The following SPACA7 variants were observed in gnomAD, a reference collection of about 807,000 sequenced individuals.
SPACA7 encodes the protein sperm acrosome associated 7.
SPACA7 carries 19 observed loss-of-function variants against 26.3 expected under a neutral mutation model. The ratio of observed to expected loss-of-function variants is 0.72; its 90% confidence interval spans 0.50 to 1.06. The LOEUF is 1.06. SPACA7 is among the 50% of genes least tolerant of loss of function. SPACA7 has a pLI of 0.00. For missense variants in SPACA7, 211 were observed against 229.9 expected, an observed-to-expected ratio of 0.92 and a Z score of 0.53; for synonymous variants, 84 against 84.5, an observed-to-expected ratio of 0.99 and a Z score of 0.04.
chr13:112,424,236 C>G (rs1876297140), intron 5 of SPACA7, among the ~76,000 whole-genome samples: 1 of 152,238 alleles, frequency 6.6e-6, no homozygotes, highest in Non-Finnish European at 1.5e-5. Context: ...TCCAAAGAAC[C>G]TAGGTGCATC....
intron 1 of SPACA7, among the ~76,000 whole-genome samples, chr13:112,387,407 A>G (rs1467742795): frequency 6.6e-6 from 1 of 152,232 alleles, no homozygotes; most frequent in African/African-American, 2.4e-5. Context: ...GTGAGTCCTA[A>G]ACCCACATTC....
intron 5 of SPACA7, among the ~76,000 whole-genome samples, chr13:112,425,127 AC>A: frequency 6.6e-6 from 1 of 152,168 alleles, no homozygotes; most frequent in East Asian, 1.9e-4. Context: ...CTCAGATGCA[AC>A]CTGACAGGAC....
rs780089926 is a variant in SPACA7, at chr13:112,392,978, TC to T, written c.95-42del. On this transcript the variant is annotated intron_variant, in intron 1 of 6. Coordinates refer to ENST00000283550, the MANE Select transcript of SPACA7 (RefSeq NM_145248.5). ...CATTTAAAGAGAAAAATATGCAAAT[TC>T]AATGAACATTGTTAAACTGTAGGGT... 5.8e-6 allele frequency: 9 copies of T among 1,561,242 alleles called. No homozygotes were observed. The Admixed American group carries it at 1.5e-4, about 26-fold the overall frequency.
At chr13:112,398,946 G>A in intron 3 of SPACA7, 120 bp from the exon 4 acceptor site, 1 of 674,798 alleles carries the variant, frequency 1.5e-6, no homozygotes, top group South Asian at 1.8e-5. Flanking sequence ...TCCACATAGA[G>A]CTTGCAAACT....
chr13:112,413,197 G>A (rs1426197105), intron 5 of SPACA7, among the ~76,000 whole-genome samples: 2 of 152,056 alleles, frequency 1.3e-5, no homozygotes, highest in African/African-American at 4.8e-5. Flanking sequence ...ATAATTGCTT[G>A]TTGCACATTA....
intron 2 of SPACA7, among the ~76,000 whole-genome samples, chr13:112,396,550 G>A (rs1885274605): frequency 1.3e-5 from 2 of 152,188 alleles, no homozygotes; most frequent in Admixed American, 6.5e-5. Flanking sequence ...CAGTGCCTGT[G>A]CAGTGTCTGG....
chr13:112,378,837 G>C, intron 1 of SPACA7: 1 of 449,274 alleles, frequency 2.2e-6, no homozygotes, highest in South Asian at 1.6e-5. Context: ...TCAAAGCCTT[G>C]GTAATATGAC....
chr13:112,401,510 T>C (rs984287436), intron 5 of SPACA7, among the ~76,000 whole-genome samples: 1 of 152,150 alleles, frequency 6.6e-6, no homozygotes, highest in African/African-American at 2.4e-5. Context: ...AGATGATAGA[T>C]AGACAGATAG....
At chr13:112,418,489 G>A (rs1033283109) in intron 5 of SPACA7, among the ~76,000 whole-genome samples, 37 of 152,214 alleles carry the variant, frequency 2.4e-4, no homozygotes, top group African/African-American at 8.0e-4. Flanking sequence ...GTCTGTGTAA[G>A]CCTGTACCAC....
At chr13:112,432,240 C>G (rs930572380) in intron 5 of SPACA7, among the ~76,000 whole-genome samples, 3 of 152,240 alleles carry the variant, frequency 2.0e-5, no homozygotes, top group Non-Finnish European at 4.4e-5. Context: ...CCAAGCCACA[C>G]TTTCTGGGGC....
chr13:112,430,956 A>G lies in SPACA7; in HGVS notation c.446-1488A>G, dbSNP rs1234321770. ...CTCTAAAAAAACTCTGTGTGAAATC[A>G]TTTTGAGTATGAAATTGGCAGTAAT... On this transcript the variant is annotated intron_variant, in intron 5 of 6. Coordinates refer to ENST00000283550, the MANE Select transcript of SPACA7 (RefSeq NM_145248.5). Among the ~76,000 whole-genome samples the G allele has an allele frequency of 2.6e-5, 4 of 152,232 alleles. No individual in the cohort carries two copies. The East Asian group carries it at 7.7e-4, about 29-fold the overall frequency.
rs77328743 is a variant in SPACA7, at chr13:112,386,435, G to T, written c.95-6586G>T. 1.1e-3 allele frequency among the ~76,000 whole-genome samples: 167 copies of T among 152,228 alleles called. 1 individual carries two copies. In the East Asian group the frequency reaches 0.017, roughly 15 times the overall value. On this transcript the variant is annotated intron_variant, in intron 1 of 6. Transcript: ENST00000283550. ...AGAACATAGCCTTTTATTTTGAGAGGGATTTATCCACTTTTAATTCCTGGG... is the reference window on the plus strand; with the variant it reads ...AGAACATAGCCTTTTATTTTGAGAGTGATTTATCCACTTTTAATTCCTGGG...
chr13:112,394,683 G>A (rs1297230689), intron 2 of SPACA7, among the ~76,000 whole-genome samples: 4 of 152,212 alleles, frequency 2.6e-5, no homozygotes, highest in African/African-American at 4.8e-5. Context: ...GCAGGAGTTA[G>A]ACTCCCCAAG....
rs191403701 is a variant in SPACA7, at chr13:112,382,762, T to C, written c.94+6283T>C. On this transcript the variant is annotated intron_variant, in intron 1 of 6. Coordinates refer to ENST00000283550, the MANE Select transcript of SPACA7 (RefSeq NM_145248.5). ...CAGCACTTTTGGAGACTGAGGCAGG[T>C]GGATCACCTGAGGTCAGGAGTTCGA... Among the ~76,000 whole-genome samples, 501 of 152,030 alleles carry C rather than the reference T, an allele frequency of 3.3e-3. 1 individual carries two copies. The highest frequency in any genetic ancestry group is 0.012 in the African/African-American group (477 of 41,432).
intron 4 of SPACA7, among the ~76,000 whole-genome samples, chr13:112,400,233 G>A (rs1204566519): frequency 6.6e-6 from 1 of 152,146 alleles, no homozygotes. Flanking sequence ...TTACCCCAAA[G>A]AGTCCCCCCA....
At chr13:112,413,110 C>T (rs977308065) in intron 5 of SPACA7, among the ~76,000 whole-genome samples, 1 of 152,114 alleles carries the variant, frequency 6.6e-6, no homozygotes. Context: ...GAGTGGTTTG[C>T]ACACCACAAT....
rs568318381 is a variant in SPACA7 at position 112,395,097 on chromosome 13, G to A, written c.151+2020G>A. ...CATCACGTGCAATGTCAAAGCCTCC[G>A]AGTCACCATCACGTGCAATTTCAGA... On this transcript the variant is annotated intron_variant, in intron 2 of 6. Coordinates refer to ENST00000283550, the MANE Select transcript of SPACA7 (RefSeq NM_145248.5). Among the ~76,000 whole-genome samples, 28 of 152,254 alleles carry A rather than the reference G, an allele frequency of 1.8e-4. No individual in the cohort carries two copies. The South Asian group carries it at 5.6e-3, about 30-fold the overall frequency.
intron 1 of SPACA7, among the ~76,000 whole-genome samples, chr13:112,388,664 T>C (rs1232472916): frequency 6.6e-6 from 1 of 152,216 alleles, no homozygotes; most frequent in East Asian, 1.9e-4. Context: ...GCCCCCTGCC[T>C]AGGCAGAGCC....
At chr13:112,382,826 A>G (rs564400676) in intron 1 of SPACA7, among the ~76,000 whole-genome samples, 1 of 151,942 alleles carries the variant, frequency 6.6e-6, no homozygotes, top group African/African-American at 2.4e-5. Context: ...TGTCTCTACT[A>G]AAAACACAAA....
Sources: allele counts gnomAD v4.1 joint callset (sites outside exome capture counted in the v4.1 genomes callset), GRCh38; gene constraint gnomAD v4.1.1; transcripts MANE v1.5; gene names NCBI Gene and HGNC (gene_info 2026-07-23, HGNC 2026-07-21).